Variants in ARHGAP26 observed in about 807,000 individuals in gnomAD.
The protein encoded by ARHGAP26 is rho GTPase-activating protein 26.
In ARHGAP26, 38 loss-of-function variants were observed where a neutral mutation model predicts 104.8. The observed-to-expected ratio is 0.36, with a 90% CI of 0.28 to 0.48. The LOEUF (loss-of-function observed/expected upper bound fraction) is 0.48, where lower values mean the gene tolerates loss of function less well. Among genes scored for constraint, ARHGAP26 ranks in the 20% least tolerant of loss-of-function variants. The probability of loss-of-function intolerance (pLI) is 0.99; values close to 1 mark genes in which losing one functional copy is unlikely to be tolerated. For synonymous variants in ARHGAP26, 341 were observed against 340.0 expected (o/e 1.00, Z -0.03); for missense variants, 704 against 947.9 (o/e 0.74, Z 3.38).
chr5:142,843,716 A>G (rs1437565622), intron 1 of ARHGAP26, among the ~76,000 whole-genome samples: 32 of 152,234 alleles, frequency 2.1e-4, no homozygotes, highest in Non-Finnish European at 4.4e-5. Flanking sequence ...TAGAAAAAGC[A>G]TTGAATTATA....
At chr5:143,104,645 A>G (rs1251555620) in intron 17 of ARHGAP26, among the ~76,000 whole-genome samples, 2 of 152,258 alleles carry the variant, frequency 1.3e-5, no homozygotes, top group Admixed American at 6.5e-5. Flanking sequence ...AGTGGAAACA[A>G]TAAAATATTG....
Position 143,001,836 on chromosome 5 carries a change from G to A in ARHGAP26, c.1108-12244G>A, listed in dbSNP as rs139256654. Among the ~76,000 whole-genome samples the A allele has an allele frequency of 3.9e-5, 6 of 152,344 alleles. No homozygotes were observed. In the East Asian group the frequency reaches 5.8e-4, roughly 15 times the overall value. ...CAGCTCAAAGCAACAGAATAAAAGAGTGAATATTCTCAGAATCTCTTGTTG... is the reference window on the plus strand; with the variant it reads ...CAGCTCAAAGCAACAGAATAAAAGAATGAATATTCTCAGAATCTCTTGTTG... On this transcript the variant is annotated intron_variant, in intron 11 of 22. Transcript: ENST00000645722.
At chr5:143,091,200 C>T (rs560768132) in intron 17 of ARHGAP26, among the ~76,000 whole-genome samples, 9 of 152,292 alleles carry the variant, frequency 5.9e-5, no homozygotes, top group East Asian at 5.8e-4. Context: ...TGAGTCCATC[C>T]GCTTTCCGCT....
At chr5:143,138,888 G>A (rs1298771570) in intron 19 of ARHGAP26, among the ~76,000 whole-genome samples, 1 of 152,182 alleles carries the variant, frequency 6.6e-6, no homozygotes, top group Admixed American at 6.5e-5. Flanking sequence ...GGGTTACACG[G>A]CAACAACGTA....
chr5:143,120,922 A>G, intron 17 of ARHGAP26, 66 bp from the exon 18 acceptor site: 1 of 1,491,380 alleles, frequency 6.7e-7, no homozygotes, highest in Admixed American at 1.9e-5. Flanking sequence ...GGAAGGATAC[A>G]GGGTGGTTGG....
chr5:142,820,305 T>A (rs755031845), intron 1 of ARHGAP26, among the ~76,000 whole-genome samples: 8 of 152,168 alleles, frequency 5.3e-5, no homozygotes, highest in Non-Finnish European at 8.8e-5. Context: ...GTTAAGAGTT[T>A]TTGAGATCTT....
intron 20 of ARHGAP26, among the ~76,000 whole-genome samples, chr5:143,171,275 C>T (rs1287374726): frequency 6.6e-6 from 1 of 152,164 alleles, no homozygotes; most frequent in Non-Finnish European, 1.5e-5. Context: ...GATAAAGTGA[C>T]TTCCCCAAGG....
chr5:142,995,773 C>A (rs1311479713), intron 11 of ARHGAP26, among the ~76,000 whole-genome samples: 2 of 152,090 alleles, frequency 1.3e-5, no homozygotes, highest in Non-Finnish European at 1.5e-5. Context: ...AAATGCTCAT[C>A]AATGATAGAC....
chr5:142,850,187 G>A (rs1042511880), intron 1 of ARHGAP26, among the ~76,000 whole-genome samples: 1 of 152,082 alleles, frequency 6.6e-6, no homozygotes, highest in Non-Finnish European at 1.5e-5. Flanking sequence ...ACTATTTCCC[G>A]TGTGTGCAGC....
At chr5:143,139,229 C>T (rs1383563266) in intron 19 of ARHGAP26, among the ~76,000 whole-genome samples, 1 of 152,194 alleles carries the variant, frequency 6.6e-6, no homozygotes, top group Non-Finnish European at 1.5e-5. Context: ...ATAATTATAG[C>T]TCTACTTATG....
At chr5:142,935,258 C>T (rs572949942) in intron 11 of ARHGAP26, among the ~76,000 whole-genome samples, 20 of 152,268 alleles carry the variant, frequency 1.3e-4, no homozygotes, top group East Asian at 3.9e-4. Context: ...TTTTCCAACA[C>T]GTTCTTTTCA....
At chr5:143,122,111 C>G (rs1289002420) in intron 18 of ARHGAP26, among the ~76,000 whole-genome samples, 2 of 152,132 alleles carry the variant, frequency 1.3e-5, no homozygotes, top group Non-Finnish European at 2.9e-5. Flanking sequence ...CTGATACCAG[C>G]CACCAGAATG....
chr5:143,081,069 A>AG (rs1477287168), intron 17 of ARHGAP26, among the ~76,000 whole-genome samples: 1 of 152,072 alleles, frequency 6.6e-6, no homozygotes, highest in Non-Finnish European at 1.5e-5. Flanking sequence ...GGAGAAACGG[A>AG]GGTCTTGTCT....
intron 11 of ARHGAP26, among the ~76,000 whole-genome samples, chr5:142,970,161 A>G (rs574850498): frequency 6.6e-6 from 1 of 152,324 alleles, no homozygotes; most frequent in South Asian, 2.1e-4. Context: ...CACTGAGCCC[A>G]GTGCTGCACA....
intron 5 of ARHGAP26, among the ~76,000 whole-genome samples, chr5:142,892,373 C>G (rs1467049791): frequency 6.6e-6 from 1 of 151,876 alleles, no homozygotes; most frequent in Non-Finnish European, 1.5e-5. Flanking sequence ...GACAGAAATC[C>G]CAGCTCTGCC....
At chr5:143,181,975 G>T (rs937884184) in intron 20 of ARHGAP26, among the ~76,000 whole-genome samples, 2 of 152,104 alleles carry the variant, frequency 1.3e-5, no homozygotes, top group Non-Finnish European at 2.9e-5. Context: ...TGCCTCCCTG[G>T]CTTGTACGCT....
intron 14 of ARHGAP26, among the ~76,000 whole-genome samples, chr5:143,045,412 TC>T (rs1412801207): frequency 7.2e-6 from 1 of 139,004 alleles, no homozygotes; most frequent in Non-Finnish European, 1.5e-5. Context: ...AATTACGGAA[TC>T]ACCAGGGCTC....
rs181526510 is a variant in ARHGAP26, at chr5:142,871,364, G to C, written c.155-2036G>C. Among the ~76,000 whole-genome samples, 21 of 152,340 alleles carry C rather than the reference G, an allele frequency of 1.4e-4. No individual in the cohort carries two copies. In the East Asian group the frequency reaches 4.0e-3, roughly 29 times the overall value. ...TGGCAGTGCGGCTTTTCAGGTGTGT[G>C]CTGGGAGCTTTCCCGAGCCTGGCTT... is the stretch of plus-strand genomic sequence containing the variant. On this transcript the variant is annotated intron_variant, in intron 1 of 22. Coordinates refer to ENST00000645722, the MANE Select transcript of ARHGAP26 (RefSeq NM_001135608.3). The surrounding 1 kb of genome is among the most constrained non-coding windows in gnomAD (Gnocchi z 4.1).
chr5:143,038,375 TA>T (rs1782955884), intron 13 of ARHGAP26, among the ~76,000 whole-genome samples: 1 of 152,196 alleles, frequency 6.6e-6, no homozygotes, highest in Admixed American at 6.5e-5. Context: ...AAACATTTTT[TA>T]AAATGTTCAG....
Sources: allele counts gnomAD v4.1 joint callset (sites outside exome capture counted in the v4.1 genomes callset), GRCh38; gene constraint gnomAD v4.1.1; non-coding constraint Gnocchi (gnomAD v3.1); transcripts MANE v1.5; gene names NCBI Gene and HGNC (gene_info 2026-07-23, HGNC 2026-07-21).